The following ATP5IF1 variants were observed in gnomAD, a reference collection of about 807,000 sequenced individuals.
The protein encoded by ATP5IF1 is ATP synthase inhibitory factor subunit 1.
A neutral mutation model predicts 8.5 loss-of-function variants in ATP5IF1; 12 were observed. The observed-to-expected ratio is 1.41, with a 90% CI of 0.90 to 2.28. The LOEUF is 2.28. Ranked by LOEUF, ATP5IF1 falls within the 30% of genes most tolerant of loss-of-function variation. The pLI, the probability that ATP5IF1 is intolerant of heterozygous loss-of-function variation, is 0.00. For synonymous variants in ATP5IF1, 51 were observed against 53.4 expected (o/e 0.96, Z 0.19); for missense variants, 154 against 140.2 (o/e 1.10, Z -0.50).
Position 28,236,180 on chromosome 1 carries a change from A to G in ATP5IF1, c.-4A>G. 1 of 1,612,982 alleles carries G rather than the reference A, an allele frequency of 6.2e-7. No individual in the cohort carries two copies. Among genetic ancestry groups the G allele is most frequent in the East Asian group, 2.2e-5 (1 of 44,882 alleles). On this transcript the variant is annotated 5_prime_UTR_variant, in exon 1 of 3. Transcript: ENST00000335514. ...GAGACGCCAGAGGTGCAGCTCCAGC[A>G]GCAATGGCAGTGACGGCGTTGGCGG... is the stretch of plus-strand genomic sequence containing the variant.
intron 2 of ATP5IF1, chr1:28,236,676 G>T: frequency 6.9e-7 from 1 of 1,440,684 alleles, no homozygotes; most frequent in South Asian, 1.4e-5. Flanking sequence ...CCCCCAAACC[G>T]TTTCCACCGG....
intron 2 of ATP5IF1, 200 bp from the exon 3 acceptor site, chr1:28,237,637 C>T (rs552218002): frequency 1.3e-6 from 2 of 1,496,126 alleles, no homozygotes; most frequent in Non-Finnish European, 1.8e-6. Context: ...AAGCAATAAG[C>T]TCTTTGGTCT....
chr1:28,236,820 C>T, intron 2 of ATP5IF1: 1 of 1,192,586 alleles, frequency 8.4e-7, no homozygotes, highest in South Asian at 1.7e-5. Flanking sequence ...CAACGTTTGC[C>T]TCCCAGCCTG....
intron 2 of ATP5IF1, chr1:28,237,157 AT>A: frequency 9.1e-6 from 9 of 991,694 alleles, no homozygotes; most frequent in Non-Finnish European, 1.1e-5. Context: ...TGAGGAATTA[AT>A]CTTGCTTTTG....
Position 28,236,436 on chromosome 1 carries a change from G to A in ATP5IF1, c.163G>A (p.Glu55Lys). 1.2e-6 allele frequency: 2 copies of A among 1,614,230 alleles called. No homozygotes were observed. The highest frequency in any genetic ancestry group is 8.5e-7 in the Non-Finnish European group (1 of 1,180,046). The change falls in exon 2 of 3, where the codon GAG becomes AAG. Residue 55 changes from glutamate (E) to lysine (K), a missense_variant. Transcript: ENST00000335514. Reference sequence around the variant, plus strand: ...CTTCGGAAAGAGAGAGCAGGCTGAAGAGGAACGATATTTCCGGTGAGGCTC... The same window carrying A: ...CTTCGGAAAGAGAGAGCAGGCTGAAAAGGAACGATATTTCCGGTGAGGCTC... ...GAFGKREQAEEERYFRAQSRE... is the reference protein window; with the variant it reads ...GAFGKREQAEKERYFRAQSRE...
At chr1:28,237,514 T>C in intron 2 of ATP5IF1, 1 of 1,368,812 alleles carries the variant, frequency 7.3e-7, no homozygotes, top group Non-Finnish European at 9.4e-7. Flanking sequence ...CCTCATTTTG[T>C]TCCTTTTTTT....
At chr1:28,236,699 A>ACAAC in intron 2 of ATP5IF1, 1 of 1,417,876 alleles carries the variant, frequency 7.1e-7, no homozygotes, top group Non-Finnish European at 9.2e-7. Flanking sequence ...GGTCTCCAAA[A>ACAAC]CAACCCACGG....
At position 28,236,332 on chromosome 1, in the gene ATP5IF1, C is replaced by A. The variant is rs1296755215; in HGVS notation, c.88-29C>A. 3.7e-6 allele frequency: 6 copies of A among 1,614,100 alleles called. No individual in the cohort carries two copies. In the Admixed American group the frequency reaches 6.7e-5, roughly 18 times the overall value. On this transcript the variant is annotated intron_variant, in intron 1 of 2. Transcript: ENST00000335514. Reference sequence around the variant, plus strand: ...GGCGGATCCCATCTTTGCTTCCGTACCTTTACCAGTGTCCCTGTCTCTCTG... The same window carrying A: ...GGCGGATCCCATCTTTGCTTCCGTAACTTTACCAGTGTCCCTGTCTCTCTG...
rs1381849717 is a variant in ATP5IF1, at chr1:28,237,872, A to C, written c.215A>C (p.Lys72Thr). 11 of 1,614,090 alleles carry C rather than the reference A, an allele frequency of 6.8e-6. No homozygotes were observed. Among genetic ancestry groups the C allele is most frequent in the South Asian group, 1.1e-5 (1 of 91,088 alleles). ...AGAGAACAACTGGCAGCTTTGAAAA[A>C]ACACCATGAAGAAGAAATCGTTCAT... Reference protein sequence around the residue: ...QSREQLAALKKHHEEEIVHHK... With the variant: ...QSREQLAALKTHHEEEIVHHK... The change falls in exon 3 of 3, where the codon AAA (lysine) becomes ACA (threonine). Residue 72 changes from lysine to threonine, a missense_variant. Lys to Thr is a moderately conservative substitution (Grantham distance 78). Coordinates refer to ENST00000335514, the MANE Select transcript of ATP5IF1 (RefSeq NM_016311.5).
Position 28,238,073 on chromosome 1 carries a change from C to T in ATP5IF1, c.*95C>T, listed in dbSNP as rs1647055052. The T allele has an allele frequency of 7.9e-7, 1 of 1,259,710 alleles. No homozygotes were observed. Among genetic ancestry groups the T allele is most frequent in the South Asian group, 1.4e-5 (1 of 68,986 alleles). The allele number at this position is 1,259,710 out of a possible 1,614,324, so 78.0% of individuals were successfully genotyped here. ...CTAATATTTGTCTGTGTGCTACTAA[C>T]AGATTATAATAAATTGTCATCAGTG... On this transcript the variant is annotated 3_prime_UTR_variant, in exon 3 of 3. Coordinates refer to ENST00000335514, the MANE Select transcript of ATP5IF1 (RefSeq NM_016311.5).
intron 2 of ATP5IF1, chr1:28,236,884 A>G (rs1647042071): frequency 1.8e-6 from 2 of 1,124,564 alleles, no homozygotes; most frequent in Non-Finnish European, 2.2e-6. Flanking sequence ...CTTCCTCGCC[A>G]GCACGCCTTA....
In ATP5IF1 at chr1:28,237,935, A is replaced by C. The variant is rs772338600; in HGVS notation, c.278A>C (p.Glu93Ala). ...KEIERLQKEI[E>A]RHKQKIKMLK... ...ATTGAGCGTCTGCAGAAAGAAATTG[A>C]GCGCCATAAGCAGAAGATCAAAATG... The change falls in exon 3 of 3, where the codon GAG becomes GCG. Residue 93 changes from glutamate to alanine, a missense_variant. Coordinates refer to ENST00000335514, the MANE Select transcript of ATP5IF1 (RefSeq NM_016311.5). The C allele has an allele frequency of 1.9e-6, 3 of 1,613,496 alleles. No homozygotes were observed. In the African/African-American group the frequency reaches 4.0e-5, roughly 22 times the overall value.
chr1:28,236,687 C>A (rs1381064164), intron 2 of ATP5IF1: 1 of 1,430,742 alleles, frequency 7.0e-7, no homozygotes, highest in Non-Finnish European at 9.2e-7. Flanking sequence ...TTTCCACCGG[C>A]GGGTCTCCAA....
rs1027287407 is a variant in ATP5IF1 at position 28,237,898 on chromosome 1, C to A, written c.241C>A (p.His81Asn). The change falls in exon 3 of 3, where the codon CAT (histidine) becomes AAT (asparagine). Residue 81 changes from histidine to asparagine, a missense_variant. Coordinates refer to ENST00000335514, the MANE Select transcript of ATP5IF1 (RefSeq NM_016311.5). The stretch of plus-strand genomic sequence containing the variant: ...ACACCATGAAGAAGAAATCGTTCAT[C>A]ATAAGAAGGAGATTGAGCGTCTGCA... ...KKHHEEEIVH[H>N]KKEIERLQKE... 1 of 1,614,118 alleles carries A rather than the reference C, an allele frequency of 6.2e-7. No homozygotes were observed. Among genetic ancestry groups the A allele is most frequent in the Non-Finnish European group, 8.5e-7 (1 of 1,180,020 alleles).
rs759662061 is a variant in ATP5IF1, at chr1:28,237,824, C to T, written c.180-13C>T. The T allele has an allele frequency of 9.9e-6, 16 of 1,613,910 alleles. No individual in the cohort carries two copies. Among genetic ancestry groups the T allele is most frequent in the South Asian group, 8.8e-5 (8 of 91,074 alleles). ...GGATTGAAATTAAACCCTGAGCCAC[C>T]GTGTCCTTGTAGAGCACAGAGTAGA... is the stretch of plus-strand genomic sequence containing the variant. On this transcript the variant is annotated splice_polypyrimidine_tract_variant and intron_variant, in intron 2 of 2. Coordinates refer to ENST00000335514, the MANE Select transcript of ATP5IF1 (RefSeq NM_016311.5).
At chr1:28,236,629 A>T in intron 2 of ATP5IF1, 177 bp downstream of exon 2, 1 of 1,517,602 alleles carries the variant, frequency 6.6e-7, no homozygotes, top group Admixed American at 2.0e-5. Flanking sequence ...GTTGCCACGT[A>T]TAGGGCACTC....
intron 2 of ATP5IF1, chr1:28,237,173 TC>T (rs1436801587): frequency 4.1e-5 from 41 of 992,012 alleles, no homozygotes; most frequent in Non-Finnish European, 4.8e-5. Context: ...CTTTTGCTTG[TC>T]CTTTGGCCTT....
intron 2 of ATP5IF1, chr1:28,237,526 TCCCTAAAGGGGAG>T: frequency 7.3e-7 from 1 of 1,367,050 alleles, no homozygotes; most frequent in African/African-American, 1.5e-5. Flanking sequence ...CCTTTTTTTT[TCCCTAAAGGGGAG>T]TCAAGTTCCC....
At chr1:28,236,338 C>CCAGT in intron 1 of ATP5IF1, 23 bp from the exon 2 acceptor site, 2 of 1,614,250 alleles carry the variant, frequency 1.2e-6, no homozygotes, top group Non-Finnish European at 8.5e-7. Flanking sequence ...CGTACCTTTA[C>CCAGT]CAGTGTCCCT....
Sources: gnomAD v4.1 joint callset for allele counts on GRCh38, gnomAD v4.1.1 for gene constraint, MANE v1.5 for transcripts, NCBI Gene and HGNC (gene_info 2026-07-23, HGNC 2026-07-21) for gene names.